Variants in GAREM1 observed in about 807,000 individuals in gnomAD.
GAREM1 encodes the protein GRB2-associated and regulator of MAPK protein 1.
In GAREM1, 26 loss-of-function variants were observed where a neutral mutation model predicts 71.3. That is an observed-to-expected ratio of 0.36 (90% confidence interval 0.27 to 0.51). The LOEUF (loss-of-function observed/expected upper bound fraction) is 0.51. Among genes scored for constraint, GAREM1 ranks in the 20% least tolerant of loss-of-function variants. The probability of loss-of-function intolerance (pLI) is 0.95; values close to 1 mark genes in which losing one functional copy is unlikely to be tolerated. For missense variants in GAREM1, 1,026 were observed against 1,103.1 expected (o/e 0.93, Z 0.99); for synonymous variants, 440 against 433.2 (o/e 1.02, Z -0.20).
At chr18:32,426,253 T>A (rs777376215) in intron 1 of GAREM1, among the ~76,000 whole-genome samples, 7 of 151,980 alleles carry the variant, frequency 4.6e-5, no homozygotes, top group Non-Finnish European at 7.4e-5. Flanking sequence ...TCTCCTGACC[T>A]CGTGATCCAC....
chr18:32,341,166 C>A (rs2047643809), intron 2 of GAREM1, among the ~76,000 whole-genome samples: 1 of 152,088 alleles, frequency 6.6e-6, no homozygotes, highest in South Asian at 2.1e-4. Flanking sequence ...GTGTGATGTT[C>A]CCCACCCTGT....
intron 1 of GAREM1, among the ~76,000 whole-genome samples, chr18:32,418,905 C>A (rs2048492762): frequency 6.6e-6 from 1 of 152,158 alleles, no homozygotes; most frequent in South Asian, 2.1e-4. Context: ...AACAAGTTAC[C>A]ACAAACTTAG....
chr18:32,421,682 A>G (rs1328616624), intron 1 of GAREM1, among the ~76,000 whole-genome samples: 3 of 152,110 alleles, frequency 2.0e-5, no homozygotes, highest in Non-Finnish European at 2.9e-5. Context: ...TTTTTTTCTC[A>G]CGCTTATTCT....
In GAREM1 at chr18:32,391,206, A is replaced by G. The variant is rs186436329; in HGVS notation, c.262+1689T>C. Among the ~76,000 whole-genome samples, 3 of 152,260 alleles carry G rather than the reference A, an allele frequency of 2.0e-5. No homozygotes were observed. In the East Asian group the frequency reaches 5.8e-4, roughly 29 times the overall value. ...GGGAGGTAACTCCAGCTAGCTAGAG[A>G]CTGTGTAAATGGAAAAGTGTCTAGT... On this transcript the variant is annotated intron_variant, in intron 2 of 5. Transcript: ENST00000269209.
chr18:32,406,179 T>C (rs1168425625), intron 1 of GAREM1, among the ~76,000 whole-genome samples: 1 of 152,168 alleles, frequency 6.6e-6, no homozygotes, highest in East Asian at 1.9e-4. Flanking sequence ...TTAATTAGCA[T>C]CTTCAAACAT....
At position 32,342,892 on chromosome 18, in the gene GAREM1, C is replaced by G. The variant is rs370720651; in HGVS notation, c.263-32569G>C. On this transcript the variant is annotated intron_variant, in intron 2 of 5. Transcript: ENST00000269209. ...CTAGCCACAGTTTCCTTTGCCCCAT[C>G]TATGTACTATCTATGCTTCTTTTGT... 3.2e-4 allele frequency among the ~76,000 whole-genome samples: 48 copies of G among 152,290 alleles called. No individual in the cohort carries two copies. In the East Asian group the frequency reaches 8.1e-3, roughly 26 times the overall value.
intron 3 of GAREM1, among the ~76,000 whole-genome samples, chr18:32,291,526 A>C (rs1180163793): frequency 6.6e-6 from 1 of 151,938 alleles, no homozygotes; most frequent in East Asian, 1.9e-4. Flanking sequence ...AAGTTCTGGG[A>C]TATGTGTGCA....
At chr18:32,414,737 T>C (rs916267016) in intron 1 of GAREM1, among the ~76,000 whole-genome samples, 4 of 151,998 alleles carry the variant, frequency 2.6e-5, no homozygotes, top group Admixed American at 6.6e-5. Flanking sequence ...AAAGGGAAGT[T>C]AATAGCTATA....
At chr18:32,408,283 CCTTA>C (rs111335323) in intron 1 of GAREM1, among the ~76,000 whole-genome samples, 11,586 of 152,100 alleles carry the variant, frequency 0.076, 457 homozygotes, top group African/African-American at 0.098. Context: ...TAAAAAAACT[CCTTA>C]CTTGTGTCTA....
At chr18:32,413,335 CA>C (rs1271046676) in intron 1 of GAREM1, 1 of 806,650 alleles carries the variant, frequency 1.2e-6, no homozygotes, top group East Asian at 2.5e-5. Context: ...AACAAAACCA[CA>C]TAAAACTTGA....
At chr18:32,297,535 C>G (rs151026245) in intron 3 of GAREM1, among the ~76,000 whole-genome samples, 5 of 152,286 alleles carry the variant, frequency 3.3e-5, no homozygotes, top group African/African-American at 7.2e-5. Context: ...ACATAGATTT[C>G]TAAGTTTTCA....
At position 32,435,208 on chromosome 18, in the gene GAREM1, C is replaced by CA. The variant is rs532152598; in HGVS notation, c.121+35099dup. Among the ~76,000 whole-genome samples, 12 of 151,420 alleles carry CA rather than the reference C, an allele frequency of 7.9e-5. No individual in the cohort carries two copies. The South Asian group carries it at 1.9e-3, about 24-fold the overall frequency. Reference sequence around the variant, plus strand: ...CAAAAATTTAAAAAGCCAAAGGAGGCAGGAGAGCTGAATGCAATGTGGGAT... The same window carrying CA: ...CAAAAATTTAAAAAGCCAAAGGAGGCAAGGAGAGCTGAATGCAATGTGGGAT... On this transcript the variant is annotated intron_variant, in intron 1 of 5. Transcript: ENST00000269209.
chr18:32,358,483 G>A (rs2047828132), intron 2 of GAREM1, among the ~76,000 whole-genome samples: 2 of 152,186 alleles, frequency 1.3e-5, no homozygotes, highest in South Asian at 4.1e-4. Flanking sequence ...CCCCAAAAGG[G>A]TGCTGCAAGC....
intron 1 of GAREM1, among the ~76,000 whole-genome samples, chr18:32,396,362 T>C (rs1295038828): frequency 1.3e-5 from 2 of 152,156 alleles, no homozygotes; most frequent in Non-Finnish European, 2.9e-5. Flanking sequence ...TTCTCTGAGC[T>C]AAAGGAGGAA....
At chr18:32,386,613 T>C (rs2048149179) in intron 2 of GAREM1, among the ~76,000 whole-genome samples, 1 of 152,090 alleles carries the variant, frequency 6.6e-6, no homozygotes, top group African/African-American at 2.4e-5. Context: ...AATCTGTTCA[T>C]CCATGATGAC....
chr18:32,291,028 T>A (rs2047078483), intron 3 of GAREM1, among the ~76,000 whole-genome samples: 1 of 152,178 alleles, frequency 6.6e-6, no homozygotes, highest in South Asian at 2.1e-4. Flanking sequence ...AAAGTACACA[T>A]GTATAAGGTT....
At chr18:32,405,832 C>T (rs555695585) in intron 1 of GAREM1, among the ~76,000 whole-genome samples, 111 of 152,284 alleles carry the variant, frequency 7.3e-4, no homozygotes, top group Non-Finnish European at 1.3e-3. Context: ...CAAACATATT[C>T]GAACAAATCA....
chr18:32,294,725 C>A (rs1032790824), intron 3 of GAREM1, among the ~76,000 whole-genome samples: 6 of 151,958 alleles, frequency 3.9e-5, no homozygotes, highest in Admixed American at 3.9e-4. Context: ...CAGTGTCTTA[C>A]TGTAAGGTTT....
intron 3 of GAREM1, among the ~76,000 whole-genome samples, chr18:32,305,821 C>T (rs757319343): frequency 2.0e-5 from 3 of 152,176 alleles, no homozygotes; most frequent in African/African-American, 4.8e-5. Context: ...CACCCAGCCC[C>T]CAGTGAGGAT....
Sources: allele counts gnomAD v4.1 joint callset (sites outside exome capture counted in the v4.1 genomes callset), GRCh38; gene constraint gnomAD v4.1.1; transcripts MANE v1.5; gene names NCBI Gene and HGNC (gene_info 2026-07-23, HGNC 2026-07-21).